ANO2: variants seen among roughly 807,000 people sequenced by gnomAD.
ANO2 encodes anoctamin-2.
A neutral mutation model predicts 124.2 loss-of-function variants in ANO2; 101 were observed. The ratio of observed to expected loss-of-function variants is 0.81; its 90% CI spans 0.69 to 0.96. The LOEUF is 0.96. Ranked by LOEUF, ANO2 falls within the 40% of genes least tolerant of loss-of-function variation. The probability of loss-of-function intolerance (pLI) is 0.00; values close to 1 mark genes in which losing one functional copy is unlikely to be tolerated. For missense variants in ANO2, 1,293 were observed against 1,274.5 expected, an observed-to-expected ratio of 1.01 and a Z score of -0.22; for synonymous variants, 486 against 482.5, an observed-to-expected ratio of 1.01 and a Z score of -0.09.
intron 10 of ANO2, among the ~76,000 whole-genome samples, chr12:5,796,331 C>T (rs1952847141): frequency 6.6e-6 from 1 of 151,484 alleles, no homozygotes; most frequent in South Asian, 2.1e-4. Context: ...CACACTCACA[C>T]ACTCATGCAC....
At chr12:5,643,586 C>T (rs1365088656) in intron 15 of ANO2, among the ~76,000 whole-genome samples, 1 of 152,022 alleles carries the variant, frequency 6.6e-6, no homozygotes. Flanking sequence ...ATTTCTGGGC[C>T]CCAGGATATA....
chr12:5,918,331 T>C (rs4764530), intron 3 of ANO2, among the ~76,000 whole-genome samples: 108,160 of 152,072 alleles, frequency 0.71, 39,758 homozygotes, highest in East Asian at 0.99. Flanking sequence ...GCCAGCACCA[T>C]GAGGCATGAG....
intron 3 of ANO2, chr12:5,881,922 T>A (rs1938527569): frequency 6.6e-6 from 1 of 152,194 alleles, no homozygotes; most frequent in Non-Finnish European, 1.5e-5. Flanking sequence ...CTGATCCTAC[T>A]GGCACATGGA....
rs1429384485 is a variant in ANO2 at position 5,904,757 on chromosome 12, C to G, written c.534+16283G>C. ...CCTGCCTGCTGGCTCCAGACCCATA[C>G]ACCTGTCTCAGGGGCAGTCCTGAGC... On this transcript the variant is annotated intron_variant, in intron 3 of 24. Transcript: ENST00000682330. This position sits in a 1 kb window ranked among gnomAD's most constrained non-coding sequence, Gnocchi z 4.1. 6.6e-6 allele frequency among the ~76,000 whole-genome samples: 1 copy of G among 152,198 alleles called. No individual in the cohort carries two copies. Among genetic ancestry groups the G allele is most frequent in the Non-Finnish European group, 1.5e-5 (1 of 68,036 alleles).
At chr12:5,773,576 T>A (rs1276515271) in intron 10 of ANO2, among the ~76,000 whole-genome samples, 1 of 152,228 alleles carries the variant, frequency 6.6e-6, no homozygotes, top group African/African-American at 2.4e-5. Context: ...ATCTTTATCA[T>A]CGTGCTAATT....
intron 16 of ANO2, among the ~76,000 whole-genome samples, chr12:5,621,328 A>G (rs952107391): frequency 6.6e-6 from 1 of 152,162 alleles, no homozygotes; most frequent in African/African-American, 2.4e-5. Flanking sequence ...TGGAAGAATG[A>G]AAAAAAATTT....
At chr12:5,614,358 C>T (rs901430892) in intron 17 of ANO2, among the ~76,000 whole-genome samples, 3 of 152,274 alleles carry the variant, frequency 2.0e-5, no homozygotes, top group Non-Finnish European at 4.4e-5. Context: ...GCAGGCCATG[C>T]CAGAAAGATC....
At chr12:5,752,889 A>T (rs1951480731) in intron 10 of ANO2, among the ~76,000 whole-genome samples, 1 of 152,114 alleles carries the variant, frequency 6.6e-6, no homozygotes, top group South Asian at 2.1e-4. Flanking sequence ...GGGTTTTTGT[A>T]TGGTATAAAA....
intron 11 of ANO2, among the ~76,000 whole-genome samples, chr12:5,748,029 T>C (rs901701092): frequency 2.4e-4 from 37 of 152,238 alleles, no homozygotes; most frequent in African/African-American, 7.7e-4. Flanking sequence ...CGTGCATCTG[T>C]GTGCAGACAT....
At chr12:5,587,937 TC>T (rs34645586) in intron 20 of ANO2, among the ~76,000 whole-genome samples, 5 of 152,118 alleles carry the variant, frequency 3.3e-5, no homozygotes, top group African/African-American at 1.2e-4. Context: ...ATAATACATC[TC>T]CCCCTGCTGC....
intron 3 of ANO2, among the ~76,000 whole-genome samples, chr12:5,899,401 G>A (rs1428953087): frequency 2.0e-5 from 3 of 152,168 alleles, no homozygotes; most frequent in Non-Finnish European, 4.4e-5. Context: ...TGCTCACTCA[G>A]GCAACTCCGC....
chr12:5,755,080 C>T (rs992206878), intron 10 of ANO2, among the ~76,000 whole-genome samples: 2 of 151,996 alleles, frequency 1.3e-5, no homozygotes, highest in South Asian at 2.1e-4. Flanking sequence ...TGCTGCCTCT[C>T]ATAAGTTTTA....
Position 5,699,010 on chromosome 12 carries a change from A to G in ANO2, c.1545+33510T>C, listed in dbSNP as rs140010572. 6.1e-3 allele frequency among the ~76,000 whole-genome samples: 935 copies of G among 152,354 alleles called. 11 individuals are homozygous for G. Among genetic ancestry groups the G allele is most frequent in the African/African-American group, 0.02 (831 of 41,582 alleles). ...CGGGGAGAATGGAACCAAGCTGGAA[A>G]ACACTCTTCAGGATATTATCCAGGA... On this transcript the variant is annotated intron_variant, in intron 14 of 24. Coordinates refer to ENST00000682330, the MANE Select transcript of ANO2 (RefSeq NM_001364791.2).
rs1942544258 is a variant in ANO2 at position 5,578,368 on chromosome 12, A to T, written c.2384T>A (p.Ile795Asn). 1.2e-6 allele frequency: 2 copies of T among 1,613,514 alleles called. No homozygotes were observed. The highest frequency in any genetic ancestry group is 2.7e-5 in the African/African-American group (2 of 74,904). The change falls in exon 21 of 25, where the codon ATC becomes AAC. Residue 795 changes from isoleucine to asparagine, a missense_variant and splice_region_variant. Transcript: ENST00000682330. ...GGGCCTCTAAGTGGGGCACGTACCG[A>T]TATCTTTGGTTCTTACAGCATCCGG... Reference protein sequence around the residue: ...RRPDAVRTKDIGIWFDILSGI... With the variant: ...RRPDAVRTKDNGIWFDILSGI...
chr12:5,837,321 T>G (rs1954357709), intron 4 of ANO2, among the ~76,000 whole-genome samples: 1 of 60,358 alleles, frequency 1.7e-5, no homozygotes, highest in Non-Finnish European at 3.1e-5. Flanking sequence ...TTATGATTCC[T>G]GCCTTTTTTT....
At chr12:5,832,416 T>G in intron 5 of ANO2, 36 bp downstream of exon 5, 2 of 1,612,370 alleles carry the variant, frequency 1.2e-6, no homozygotes, top group South Asian at 2.2e-5. Context: ...TTCCTATCCC[T>G]TCCCACATCT....
At chr12:5,889,801 TA>T (rs1249772944) in intron 3 of ANO2, among the ~76,000 whole-genome samples, 1 of 152,258 alleles carries the variant, frequency 6.6e-6, no homozygotes, top group Non-Finnish European at 1.5e-5. Context: ...AAGGAGGTAT[TA>T]ACTTCCTACT....
At chr12:5,659,459 G>A (rs1445021424) in intron 14 of ANO2, among the ~76,000 whole-genome samples, 2 of 152,078 alleles carry the variant, frequency 1.3e-5, no homozygotes, top group Non-Finnish European at 2.9e-5. Flanking sequence ...ACTGACCCTC[G>A]AAGCCTTCCA....
intron 16 of ANO2, among the ~76,000 whole-genome samples, chr12:5,623,478 G>A (rs1945230484): frequency 6.6e-6 from 1 of 152,148 alleles, no homozygotes; most frequent in Non-Finnish European, 1.5e-5. Context: ...TCTTTTACGT[G>A]TTAATCCTCT....
Sources: gnomAD v4.1 joint callset for allele counts (sites outside exome capture counted in the v4.1 genomes callset) on GRCh38, gnomAD v4.1.1 for gene constraint, Gnocchi (gnomAD v3.1) non-coding constraint, MANE v1.5 for transcripts, NCBI Gene and HGNC (gene_info 2026-07-23, HGNC 2026-07-21) for gene names.